The following RGL1 variants were observed in gnomAD, a reference collection of about 807,000 sequenced individuals.
RGL1 encodes the protein ral guanine nucleotide dissociation stimulator-like 1.
Under a neutral mutation model 95.2 loss-of-function variants are expected in RGL1, and 24 were observed. The ratio of observed to expected loss-of-function variants is 0.25; its 90% confidence interval spans 0.18 to 0.35. The LOEUF is 0.35. Ranked by LOEUF, RGL1 falls within the 10% of genes least tolerant of loss-of-function variation. The pLI is 1.00. For synonymous variants in RGL1, 329 were observed against 344.9 expected, an observed-to-expected ratio of 0.95 and a Z score of 0.51; for missense variants, 715 against 936.3, an observed-to-expected ratio of 0.76 and a Z score of 3.08.
At chr1:183,772,748 G>A (rs935801225) in intron 2 of RGL1, among the ~76,000 whole-genome samples, 3 of 151,950 alleles carry the variant, frequency 2.0e-5, no homozygotes, top group Non-Finnish European at 4.4e-5. Context: ...GGTGGCTCAC[G>A]CCTGTAATCC....
chr1:183,720,340 G>A (rs1380125084), intron 1 of RGL1, among the ~76,000 whole-genome samples: 1 of 152,144 alleles, frequency 6.6e-6, no homozygotes, highest in African/African-American at 2.4e-5. Flanking sequence ...TTTGCCTCTG[G>A]CACCCACACA....
At chr1:183,898,416 T>C (rs1208679482) in intron 10 of RGL1, among the ~76,000 whole-genome samples, 1 of 152,232 alleles carries the variant, frequency 6.6e-6, no homozygotes, top group African/African-American at 2.4e-5. Context: ...TTATAGTTTT[T>C]CAATATTTAA....
chr1:183,915,642 C>T (rs554746592), intron 15 of RGL1, among the ~76,000 whole-genome samples: 1 of 152,328 alleles, frequency 6.6e-6, no homozygotes, highest in South Asian at 2.1e-4. Flanking sequence ...CTTTATAATG[C>T]TCTGCATTTT....
At chr1:183,917,406 A>T (rs1353655756) in intron 16 of RGL1, among the ~76,000 whole-genome samples, 1 of 151,988 alleles carries the variant, frequency 6.6e-6, no homozygotes, top group Non-Finnish European at 1.5e-5. Context: ...AAGAATATAA[A>T]CTCCTTAGTT....
At chr1:183,799,138 G>A (rs1213203493) in intron 2 of RGL1, among the ~76,000 whole-genome samples, 6 of 152,026 alleles carry the variant, frequency 3.9e-5, no homozygotes, top group African/African-American at 1.5e-4. Context: ...TCCCAACCTC[G>A]TGATCTGCCT....
intron 2 of RGL1, among the ~76,000 whole-genome samples, chr1:183,760,785 C>A (rs185948730): frequency 6.6e-6 from 1 of 152,124 alleles, no homozygotes; most frequent in African/African-American, 2.4e-5. Context: ...GTCAGTGCTC[C>A]CAAACCCTGC....
chr1:183,839,007 G>C (rs11584893), intron 2 of RGL1, among the ~76,000 whole-genome samples: 14,132 of 152,172 alleles, frequency 0.093, 705 homozygotes, highest in African/African-American at 0.12. Context: ...ACATATGTCA[G>C]CACATATGTG....
intron 1 of RGL1, among the ~76,000 whole-genome samples, chr1:183,683,241 G>A (rs1351287583): frequency 1.3e-5 from 2 of 152,180 alleles, no homozygotes; most frequent in African/African-American, 4.8e-5. Context: ...TTGCCCATTA[G>A]TTGATGCAGT....
intron 14 of RGL1, among the ~76,000 whole-genome samples, chr1:183,910,635 G>A (rs1479265524): frequency 1.3e-5 from 2 of 151,998 alleles, no homozygotes; most frequent in East Asian, 1.9e-4. Flanking sequence ...TCTTTTCACT[G>A]TTCTTTCTAT....
chr1:183,795,513 G>T (rs74821708), intron 2 of RGL1, among the ~76,000 whole-genome samples: 28,335 of 152,166 alleles, frequency 0.19, 2,755 homozygotes, highest in Middle Eastern at 0.21. Flanking sequence ...CTGTGTGAAG[G>T]GAGGGAGCCA....
At chr1:183,756,949 G>A (rs1421185586) in intron 2 of RGL1, among the ~76,000 whole-genome samples, 4 of 150,734 alleles carry the variant, frequency 2.7e-5, no homozygotes, top group African/African-American at 7.3e-5. Flanking sequence ...CAAGCAGAAT[G>A]TTGTCATCTT....
At chr1:183,913,502 C>T (rs186472108) in intron 15 of RGL1, among the ~76,000 whole-genome samples, 1 of 152,166 alleles carries the variant, frequency 6.6e-6, no homozygotes, top group Non-Finnish European at 1.5e-5. Context: ...CAGTGTTAAT[C>T]TTCTGTACAC....
intron 2 of RGL1, among the ~76,000 whole-genome samples, chr1:183,821,957 AT>A (rs1662517933): frequency 6.6e-6 from 1 of 152,180 alleles, no homozygotes; most frequent in South Asian, 2.1e-4. Context: ...AAGAGACTGT[AT>A]TCTAATCTAG....
chr1:183,900,069 A>T lies in RGL1; in HGVS notation c.1231-81A>T, dbSNP rs189881703. ...CCGCAGTTAGGCCTTGAATACATCC[A>T]TTTGCTCCAGCTTGAAGATTCCTAA... On this transcript the variant is annotated intron_variant, in intron 10 of 17. Coordinates refer to ENST00000360851, the MANE Select transcript of RGL1 (RefSeq NM_001297671.3). The T allele has an allele frequency of 3.6e-4, 410 of 1,124,408 alleles. No individual in the cohort carries two copies. The African/African-American group carries it at 5.3e-3, about 14-fold the overall frequency. 69.7% of individuals were successfully genotyped at this position (1,124,408 alleles called of 1,614,324 possible).
At chr1:183,826,798 A>C (rs1194647347) in intron 2 of RGL1, among the ~76,000 whole-genome samples, 1 of 152,240 alleles carries the variant, frequency 6.6e-6, no homozygotes, top group Non-Finnish European at 1.5e-5. Context: ...AATCAAATAA[A>C]TGAAACTTTT....
chr1:183,826,004 A>AAAAT (rs1408121380), intron 2 of RGL1, among the ~76,000 whole-genome samples: 2 of 54,716 alleles, frequency 3.7e-5, no homozygotes, highest in Non-Finnish European at 1.0e-4. Flanking sequence ...TTCTATTTTT[A>AAAAT]AAATCAATCA....
At chr1:183,761,874 G>A (rs1658681965) in intron 2 of RGL1, among the ~76,000 whole-genome samples, 1 of 152,116 alleles carries the variant, frequency 6.6e-6, no homozygotes, top group Non-Finnish European at 1.5e-5. Context: ...GCTTCACCTT[G>A]CACTTTTAAG....
intron 2 of RGL1, among the ~76,000 whole-genome samples, chr1:183,815,352 A>G (rs940225434): frequency 1.3e-4 from 20 of 152,206 alleles, no homozygotes; most frequent in African/African-American, 4.6e-4. Flanking sequence ...AAACTGAGGT[A>G]ATTGAAGCAT....
At chr1:183,784,080 T>C (rs2102361621) in intron 2 of RGL1, among the ~76,000 whole-genome samples, 2 of 152,292 alleles carry the variant, frequency 1.3e-5, no homozygotes, top group South Asian at 4.1e-4. Flanking sequence ...CAGATAATTG[T>C]TAGAAATAGC....
Sources: gnomAD v4.1 joint callset for allele counts (sites outside exome capture counted in the v4.1 genomes callset) on GRCh38, gnomAD v4.1.1 for gene constraint, MANE v1.5 for transcripts, NCBI Gene and HGNC (gene_info 2026-07-23, HGNC 2026-07-21) for gene names.